EBF4: variants seen among roughly 807,000 people sequenced by gnomAD.
EBF4 encodes EBF transcription factor 4, also known as transcription factor COE4.
In EBF4, 34 loss-of-function variants were observed where a neutral mutation model predicts 67.1. The observed-to-expected ratio is 0.51, with a 90% CI of 0.39 to 0.67. EBF4 has a LOEUF of 0.67. EBF4 is among the 30% of genes least tolerant of loss of function. EBF4 has a pLI of 0.00. For synonymous variants in EBF4, 387 were observed against 377.7 expected, an observed-to-expected ratio of 1.02 and a Z score of -0.29; for missense variants, 837 against 873.3, an observed-to-expected ratio of 0.96 and a Z score of 0.52.
At chr20:2,697,204 A>G (rs1234726064) in intron 1 of EBF4, among the ~76,000 whole-genome samples, 2 of 152,162 alleles carry the variant, frequency 1.3e-5, no homozygotes, top group African/African-American at 4.8e-5. Context: ...GCCTGCTAAG[A>G]TCAGCGAGGG....
At chr20:2,744,487 C>CTTTTTTTTTTTTTTTTTTTTTTTTTT (rs778840182) in intron 6 of EBF4, among the ~76,000 whole-genome samples, 2 of 111,494 alleles carry the variant, frequency 1.8e-5, no homozygotes, top group African/African-American at 3.9e-5. Context: ...TTCTTTTTTT[C>CTTTTTTTTTTTTTTTTTTTTTTTTTT]TTTTCTTTTT....
exon 13 of EBF4, chr20:2,752,101 C>T: frequency 6.9e-7 from 1 of 1,459,108 alleles, no homozygotes; most frequent in Admixed American, 2.8e-5. Flanking sequence ...GCTCCTGAAG[C>T]GCGCGGCGGA....
intron 16 of EBF4, 126 bp downstream of exon 16, chr20:2,759,110 G>A: frequency 3.2e-6 from 3 of 948,306 alleles, no homozygotes; most frequent in South Asian, 1.6e-5. Flanking sequence ...GGGAGCTGGG[G>A]TCCAAGTCTT....
At chr20:2,749,562 G>A (rs2088105462) in intron 8 of EBF4, 44 bp downstream of exon 8, 1 of 1,537,158 alleles carries the variant, frequency 6.5e-7, no homozygotes, top group South Asian at 1.2e-5. Flanking sequence ...GGCCCAGCCA[G>A]CCCCCCAGGC....
chr20:2,738,673 G>A (rs967064250), intron 6 of EBF4, among the ~76,000 whole-genome samples: 1 of 152,112 alleles, frequency 6.6e-6, no homozygotes, highest in Non-Finnish European at 1.5e-5. Flanking sequence ...GGGCCCCTTA[G>A]CAGTCTCTCC....
At chr20:2,705,675 A>T in exon 2 of EBF4, 1 of 1,551,936 alleles carries the variant, frequency 6.4e-7, no homozygotes. Context: ...TACGACCGGC[A>T]GGGGCAGCCC....
chr20:2,699,250 A>G (rs925156470), intron 1 of EBF4, among the ~76,000 whole-genome samples: 11 of 152,146 alleles, frequency 7.2e-5, no homozygotes, highest in African/African-American at 2.7e-4. Flanking sequence ...AGTCCACCTG[A>G]ATGACCTAGT....
intron 6 of EBF4, among the ~76,000 whole-genome samples, chr20:2,722,100 A>G (rs1313088090): frequency 6.6e-6 from 1 of 151,956 alleles, no homozygotes; most frequent in Non-Finnish European, 1.5e-5. Flanking sequence ...GAGTCTCACT[A>G]TGTTGTCCAG....
rs2088223078 is a variant in EBF4, at chr20:2,755,218, T to C, written c.1541-409T>C. 1 of 200,032 alleles carries C rather than the reference T, an allele frequency of 5.0e-6. No homozygotes were observed. The highest frequency in any genetic ancestry group is 1.0e-5 in the Non-Finnish European group (1 of 98,910). The allele number at this position is 200,032 out of a possible 1,614,324, so 12.4% of individuals were successfully genotyped here. A position where few individuals can be genotyped will look rare whatever the true frequency, so the allele number is the denominator to read the frequency against. ...CTACTTGTTCCAGCTCTTCTGTGACTCCTGAACTATGACTCTAGCCTTGGC... is the reference window on the plus strand; with the variant it reads ...CTACTTGTTCCAGCTCTTCTGTGACCCCTGAACTATGACTCTAGCCTTGGC... On this transcript the variant is annotated intron_variant, in intron 14 of 16. Coordinates refer to ENST00000609451, the Ensembl canonical transcript of EBF4. This position sits in a 1 kb window ranked among gnomAD's most constrained non-coding sequence, Gnocchi z 4.7.
At chr20:2,694,368 G>T (rs2087258409) in intron 1 of EBF4, among the ~76,000 whole-genome samples, 1 of 152,164 alleles carries the variant, frequency 6.6e-6, no homozygotes. Context: ...CCTTTCCCTC[G>T]GGTGTTTTTC....
rs1455743282 is a variant in EBF4, at chr20:2,739,512, C to T, written c.558-9037C>T. 6.6e-6 allele frequency among the ~76,000 whole-genome samples: 1 copy of T among 152,210 alleles called. No individual in the cohort carries two copies. The highest frequency in any genetic ancestry group is 2.4e-5 in the African/African-American group (1 of 41,454). ...CCCACCACTCTGTCTTCCTGAGTTT[C>T]TCTTTCCTGTTGGGTTGTAATTTCC... is the stretch of plus-strand genomic sequence containing the variant. On this transcript the variant is annotated intron_variant, in intron 6 of 16. Coordinates refer to ENST00000609451, the Ensembl canonical transcript of EBF4. The surrounding 1 kb of genome is among the most constrained non-coding windows in gnomAD (Gnocchi z 4.5).
intron 1 of EBF4, among the ~76,000 whole-genome samples, chr20:2,699,702 C>G (rs1054822097): frequency 3.3e-5 from 5 of 152,172 alleles, no homozygotes; most frequent in Non-Finnish European, 7.3e-5. Context: ...CTGGAAAAGG[C>G]GTTTATGTGG....
rs71193988 is a variant in EBF4 at position 2,705,785 on chromosome 20, CCACACACACACACA to C, written c.294+92_294+105del. The C allele has an allele frequency of 7.6e-3, 5,717 of 751,440 alleles. 11 individuals are homozygous for C. Among genetic ancestry groups the C allele is most frequent in the South Asian group, 0.019 (1,051 of 55,308 alleles). The allele number at this position is 751,440 out of a possible 1,614,324, so 46.5% of individuals were successfully genotyped here. On this transcript the variant is annotated intron_variant, in intron 2 of 16. Transcript: ENST00000609451. ...ACTGGCCCCGGGAGGGAACCCCCAA[CCACACACACACACA>C]CACACACACACACACACACACACAC...
intron 6 of EBF4, among the ~76,000 whole-genome samples, chr20:2,719,772 C>T (rs557762391): frequency 6.6e-6 from 1 of 152,296 alleles, no homozygotes; most frequent in South Asian, 2.1e-4. Flanking sequence ...TGACTTGAAT[C>T]CTTTTGAATT....
At chr20:2,742,704 C>T (rs1167313998) in intron 6 of EBF4, among the ~76,000 whole-genome samples, 3 of 152,166 alleles carry the variant, frequency 2.0e-5, no homozygotes. Flanking sequence ...TCCCTGCCCC[C>T]TGCCCCCATC....
At chr20:2,720,212 T>A (rs1253140206) in intron 6 of EBF4, among the ~76,000 whole-genome samples, 1 of 152,198 alleles carries the variant, frequency 6.6e-6, no homozygotes, top group Non-Finnish European at 1.5e-5. Context: ...TTTTCCTGCC[T>A]CAGCCTCCCA....
Position 2,755,644 on chromosome 20 carries a change from C to CCGCTGG in EBF4, c.1561_1566dup (p.Leu521_Ala522dup). ...CCCCGGAGTCATGCCCTCTAGCCCCCCGCTGGCGGCTGCCTCCTCCATGTC... is the reference window on the plus strand; with the variant it reads ...CCCCGGAGTCATGCCCTCTAGCCCCCCGCTGGCGCTGGCGGCTGCCTCCTCCATGTC... On this transcript the variant is annotated inframe_insertion, in exon 15 of 17. Transcript: ENST00000609451. This position sits in a 1 kb window ranked among gnomAD's most constrained non-coding sequence, Gnocchi z 4.7. 6.5e-7 allele frequency: 1 copy of CCGCTGG among 1,539,534 alleles called. No homozygotes were observed. Among genetic ancestry groups the CCGCTGG allele is most frequent in the Non-Finnish European group, 8.8e-7 (1 of 1,137,698 alleles).
At position 2,708,062 on chromosome 20, in the gene EBF4, G is replaced by T. The variant is rs548460271; in HGVS notation, c.488+42G>T. 7 of 1,569,658 alleles carry T rather than the reference G, an allele frequency of 4.5e-6. No homozygotes were observed. The South Asian group carries it at 8.1e-5, about 18-fold the overall frequency. On this transcript the variant is annotated intron_variant, in intron 5 of 16. Transcript: ENST00000609451. ...ACTCACACCTCACCCCTCTGCCAAG[G>T]CGTTTCTGAGGACTCTACCCAGGCC...
At position 2,706,193 on chromosome 20, in the gene EBF4, C is replaced by T; in HGVS notation, c.359-16C>T. 6.4e-7 allele frequency: 1 copy of T among 1,552,108 alleles called. No homozygotes were observed. The highest frequency in any genetic ancestry group is 1.2e-5 in the South Asian group (1 of 84,062). On this transcript the variant is annotated splice_polypyrimidine_tract_variant and intron_variant, in intron 3 of 16. Coordinates refer to ENST00000609451, the Ensembl canonical transcript of EBF4. ...TGCTCCCCCAGCAGCAAGCCCTCTC[C>T]ATCTTCCCATCCTAGGACTGCGGAC...
Sources: allele counts gnomAD v4.1 joint callset (sites outside exome capture counted in the v4.1 genomes callset), GRCh38; gene constraint gnomAD v4.1.1; non-coding constraint Gnocchi (gnomAD v3.1); transcripts MANE v1.5; gene names NCBI Gene and HGNC (gene_info 2026-07-23, HGNC 2026-07-21).